Variants in C10orf71 observed in about 807,000 individuals in gnomAD.
C10orf71 encodes chromosome 10 open reading frame 71.
For synonymous variants in C10orf71, 758 were observed against 726.3 expected (o/e 1.04, Z -0.70); for missense variants, 1,869 against 1,804.5 (o/e 1.04, Z -0.65).
chr10:49,300,977 T>C (rs1182763674), intron 1 of C10orf71, among the ~76,000 whole-genome samples: 1 of 152,236 alleles, frequency 6.6e-6, no homozygotes, highest in African/African-American at 2.4e-5. Context: ...CCTTGATTTC[T>C]TTTTGCCAGG....
chr10:49,314,064 A>G (rs567371371), intron 1 of C10orf71, among the ~76,000 whole-genome samples: 1 of 152,302 alleles, frequency 6.6e-6, no homozygotes, highest in Admixed American at 6.5e-5. Flanking sequence ...GGTCAAAGTG[A>G]AAGAGTATCT....
intron 1 of C10orf71, among the ~76,000 whole-genome samples, chr10:49,311,967 A>T (rs1178612148): frequency 2.6e-5 from 4 of 152,262 alleles, no homozygotes; most frequent in Admixed American, 1.3e-4. Context: ...GAGGCATGGC[A>T]TGGAAAAAAA....
At chr10:49,309,894 A>G (rs1848881066) in intron 1 of C10orf71, among the ~76,000 whole-genome samples, 1 of 152,144 alleles carries the variant, frequency 6.6e-6, no homozygotes, top group Admixed American at 6.5e-5. Context: ...GATAAAGCCA[A>G]CCCCTGCCAT....
In C10orf71 at chr10:49,326,989, T is replaced by G; in HGVS notation, c.*136T>G. On this transcript the variant is annotated 3_prime_UTR_variant, in exon 3 of 3. Transcript: ENST00000374144. Reference sequence around the variant, plus strand: ...ATCATCAACACATACTTAGCCTTTTTAGATCCATAAAGTCCAGAAGGCAGT... The same window carrying G: ...ATCATCAACACATACTTAGCCTTTTGAGATCCATAAAGTCCAGAAGGCAGT... The G allele has an allele frequency of 1.3e-6, 2 of 1,556,534 alleles. No individual in the cohort carries two copies. The highest frequency in any genetic ancestry group is 1.7e-6 in the Non-Finnish European group (2 of 1,152,296).
In C10orf71 at chr10:49,300,428, CA is replaced by C. The variant is rs1848706546; in HGVS notation, c.-248+1197del. ...AAAAAGTTTGCTGACCACTGTGTTACAAGAACACATCTTGAGATGGGTCAAT... is the reference window on the plus strand; with the variant it reads ...AAAAAGTTTGCTGACCACTGTGTTACAGAACACATCTTGAGATGGGTCAAT... On this transcript the variant is annotated intron_variant, in intron 1 of 2. Coordinates refer to ENST00000374144, the MANE Select transcript of C10orf71 (RefSeq NM_001135196.2). 2.9e-5 allele frequency among the ~76,000 whole-genome samples: 3 copies of C among 104,772 alleles called. No individual in the cohort carries two copies. The South Asian group carries it at 8.8e-4, about 31-fold the overall frequency. The allele number at this position is 104,772 out of a possible 152,430, so 68.7% of individuals were successfully genotyped here. A position where few individuals can be genotyped will look rare whatever the true frequency, so the allele number is the denominator to read the frequency against.
At chr10:49,300,461 C>A (rs201778575) in intron 1 of C10orf71, among the ~76,000 whole-genome samples, 1,982 of 106,830 alleles carry the variant, frequency 0.019, no homozygotes, top group South Asian at 0.023. Flanking sequence ...CAATTTAATA[C>A]AAAAAAAAAA....
chr10:49,324,563 C>T lies in C10orf71; in HGVS notation c.2018C>T (p.Ser673Phe), dbSNP rs1233798319. The T allele has an allele frequency of 6.2e-7, 1 of 1,613,814 alleles. No homozygotes were observed. Among genetic ancestry groups the T allele is most frequent in the Non-Finnish European group, 8.5e-7 (1 of 1,179,822 alleles). The change falls in exon 3 of 3, where the codon TCC becomes TTC. Residue 673 changes from serine to phenylalanine, a missense_variant. By Grantham distance (155) the Ser-to-Phe change is radical. Transcript: ENST00000374144. ...ACCCACCAGCTAGAGAATGGGCTCTCCAGATCTGTGTCCCAAGAGACAGAA... is the reference window on the plus strand; with the variant it reads ...ACCCACCAGCTAGAGAATGGGCTCTTCAGATCTGTGTCCCAAGAGACAGAA... ...MKTHQLENGL[S>F]RSVSQETEPE...
Position 49,323,659 on chromosome 10 carries a change from T to A in C10orf71, c.1114T>A (p.Ser372Thr). The part of the protein sequence containing the change: ...EGKAPSSQPD[S>T]QEKPAQPPWR... ...AAAAGCTCCCAGCTCACAACCTGAT[T>A]CTCAAGAGAAGCCAGCCCAGCCCCC... The change falls in exon 3 of 3, where the codon TCT (serine) becomes ACT (threonine). Residue 372 changes from serine (S) to threonine (T), a missense_variant. Ser to Thr is a moderately conservative substitution (Grantham distance 58). Transcript: ENST00000374144. 1 of 1,609,140 alleles carries A rather than the reference T, an allele frequency of 6.2e-7. No homozygotes were observed. The highest frequency in any genetic ancestry group is 8.5e-7 in the Non-Finnish European group (1 of 1,178,706).
At chr10:49,312,031 A>T (rs1211415980) in intron 1 of C10orf71, among the ~76,000 whole-genome samples, 1 of 152,360 alleles carries the variant, frequency 6.6e-6, no homozygotes, top group Non-Finnish European at 1.5e-5. Flanking sequence ...TGACTGTGCA[A>T]AGGGTATTTC....
chr10:49,312,715 G>A (rs1848937143), intron 1 of C10orf71, among the ~76,000 whole-genome samples: 1 of 152,194 alleles, frequency 6.6e-6, no homozygotes, highest in African/African-American at 2.4e-5. Flanking sequence ...CCACGCTGCT[G>A]AGGGACACCT....
At chr10:49,306,201 G>A (rs1848810725) in intron 1 of C10orf71, among the ~76,000 whole-genome samples, 1 of 152,236 alleles carries the variant, frequency 6.6e-6, no homozygotes, top group South Asian at 2.1e-4. Context: ...TGGGGATCCA[G>A]GACCTGGTGG....
intron 1 of C10orf71, among the ~76,000 whole-genome samples, chr10:49,315,853 C>T (rs138062167): frequency 2.9e-4 from 44 of 152,230 alleles, no homozygotes; most frequent in African/African-American, 9.9e-4. Flanking sequence ...GTCAGGAGTT[C>T]GAGACCAGCC....
chr10:49,301,309 T>A (rs953147786), intron 1 of C10orf71, among the ~76,000 whole-genome samples: 1 of 152,130 alleles, frequency 6.6e-6, no homozygotes, highest in Non-Finnish European at 1.5e-5. Context: ...CATTTGAGAG[T>A]TTAAACCTCA....
intron 2 of C10orf71, among the ~76,000 whole-genome samples, chr10:49,316,622 A>G (rs1199679306): frequency 6.6e-6 from 1 of 152,218 alleles, no homozygotes; most frequent in African/African-American, 2.4e-5. Flanking sequence ...TAAAAGAAAA[A>G]TGGAGGTCTT....
rs1000171062 is a variant in C10orf71 at position 49,325,027 on chromosome 10, G to C, written c.2482G>C (p.Gly828Arg). ...AGCTAATTTCAGAGGCTCTTGGATT[G>C]GGGAAAATAAGGGCACAACCTTTTC... Reference protein sequence around the residue: ...EEANFRGSWIGENKGTTFSQA... With the variant: ...EEANFRGSWIRENKGTTFSQA... The change falls in exon 3 of 3, where the codon GGG (glycine) becomes CGG (arginine). Residue 828 changes from glycine (G) to arginine (R), a missense_variant. By Grantham distance (125) the Gly-to-Arg change is moderately radical. Coordinates refer to ENST00000374144, the MANE Select transcript of C10orf71 (RefSeq NM_001135196.2). The C allele has an allele frequency of 1.3e-6, 2 of 1,551,778 alleles. No individual in the cohort carries two copies. Among genetic ancestry groups the C allele is most frequent in the East Asian group, 4.9e-5 (2 of 40,916 alleles).
In C10orf71 at chr10:49,324,605, G is replaced by T; in HGVS notation, c.2060G>T (p.Gly687Val). The change falls in exon 3 of 3, where the codon GGA becomes GTA. Residue 687 changes from glycine to valine, a missense_variant. Transcript: ENST00000374144. The part of the protein sequence containing the change: ...SQETEPEREA[G>V]LQNTHLNQKF... ...GAGACAGAACCTGAGAGGGAAGCAG[G>T]ACTTCAGAACACACATTTGAACCAG... The T allele has an allele frequency of 6.2e-7, 1 of 1,613,916 alleles. No individual in the cohort carries two copies. Among genetic ancestry groups the T allele is most frequent in the South Asian group, 1.1e-5 (1 of 91,060 alleles).
chr10:49,310,307 G>T (rs1168970040), intron 1 of C10orf71, among the ~76,000 whole-genome samples: 2 of 152,158 alleles, frequency 1.3e-5, no homozygotes, highest in Non-Finnish European at 2.9e-5. Flanking sequence ...TGAAACCCTC[G>T]TTTTCTCCCC....
rs1285507150 is a variant in C10orf71 at position 49,323,576 on chromosome 10, C to T, written c.1031C>T (p.Ser344Phe). 1 of 1,605,954 alleles carries T rather than the reference C, an allele frequency of 6.2e-7. No individual in the cohort carries two copies. Among genetic ancestry groups the T allele is most frequent in the South Asian group, 1.1e-5 (1 of 89,944 alleles). Residue 344 changes from serine to phenylalanine, a missense_variant, in exon 3 of 3, where the codon TCC becomes TTC. Ser to Phe is a radical substitution (Grantham distance 155). Transcript: ENST00000374144. Reference sequence around the variant, plus strand: ...AACAGACTTGCAGCAGGGGCTCTGTCCACATCTATACCCTGGGGGTGCAGG... The same window carrying T: ...AACAGACTTGCAGCAGGGGCTCTGTTCACATCTATACCCTGGGGGTGCAGG... ...EENRLAAGAL[S>F]TSIPWGCRDP...
intron 2 of C10orf71, among the ~76,000 whole-genome samples, chr10:49,319,596 G>A (rs1027051925): frequency 1.3e-5 from 2 of 150,834 alleles, no homozygotes; most frequent in Non-Finnish European, 2.9e-5. Flanking sequence ...TTTCACAATA[G>A]CCAAAATTTG....
Sources: allele counts gnomAD v4.1 joint callset (sites outside exome capture counted in the v4.1 genomes callset), GRCh38; gene constraint gnomAD v4.1.1; transcripts MANE v1.5; gene names NCBI Gene and HGNC (gene_info 2026-07-23, HGNC 2026-07-21).